The following CLSPN variants were observed in gnomAD, a reference collection of about 807,000 sequenced individuals.
The protein encoded by CLSPN is claspin, also known as claspin homolog.
CLSPN carries 85 observed loss-of-function variants against 156.3 expected under a neutral mutation model. The observed-to-expected ratio is 0.54, with a 90% CI of 0.46 to 0.65. The LOEUF is 0.65. Ranked by LOEUF, CLSPN falls within the 30% of genes least tolerant of loss-of-function variation. The pLI is 0.00. For missense variants in CLSPN, 1,407 were observed against 1,554.9 expected (o/e 0.90, Z 1.60); for synonymous variants, 534 against 542.4 (o/e 0.98, Z 0.22).
rs1458588665 is a variant in CLSPN, at chr1:35,739,404, G to C, written c.3269C>G (p.Ser1090Cys). 1.2e-6 allele frequency: 2 copies of C among 1,614,078 alleles called. No individual in the cohort carries two copies. The highest frequency in any genetic ancestry group is 1.7e-6 in the Non-Finnish European group (2 of 1,180,016). The change falls in exon 19 of 25, where the codon TCT becomes TGT. Residue 1090 changes from serine (S) to cysteine (C), a missense_variant. By Grantham distance (112) the Ser-to-Cys change is moderately radical (BLOSUM62 -1). Coordinates refer to ENST00000318121, the MANE Select transcript of CLSPN (RefSeq NM_022111.4). Reference sequence around the variant, plus strand: ...GATTTGACTCTGCAGTTCCTCATCAGAAGGAAGTACTTCATCAATTACGTC... The same window carrying C: ...GATTTGACTCTGCAGTTCCTCATCACAAGGAAGTACTTCATCAATTACGTC... The part of the protein sequence containing the change: ...EEDVIDEVLP[S>C]DEELQSQIKK...
downstream of CLSPN, among the ~76,000 whole-genome samples, chr1:35,729,988 C>T (rs949665801): frequency 2.0e-5 from 3 of 152,168 alleles, no homozygotes; most frequent in African/African-American, 7.2e-5. Flanking sequence ...AAGCTCTACA[C>T]CTCTATTCTG....
intron 18 of CLSPN, among the ~76,000 whole-genome samples, chr1:35,741,342 T>C (rs983062155): frequency 9.2e-5 from 14 of 151,962 alleles, no homozygotes; most frequent in East Asian, 1.9e-4. Flanking sequence ...TCGGGGAGAA[T>C]GGAGTTTCTC....
chr1:35,763,529 C>CT (rs1483474778), intron 3 of CLSPN, among the ~76,000 whole-genome samples: 6 of 150,602 alleles, frequency 4.0e-5, no homozygotes, highest in Non-Finnish European at 7.4e-5. Flanking sequence ...CTAAAACTAA[C>CT]TTAATAAACA....
In CLSPN at chr1:35,736,936, G is replaced by A; in HGVS notation, c.3887C>T (p.Ala1296Val). ...TACCTGAGACTTAGACGATTCCTTT[G>A]CCGCCTCAGCCTTGACAGGAGAAAG... ...HTLSPVKAEA[A>V]KESSKSQVKK... The change falls in exon 24 of 25, where the codon GCA becomes GTA. Residue 1296 changes from alanine (A) to valine (V), a missense_variant. By Grantham distance (64) the Ala-to-Val change is moderately conservative (BLOSUM62 0). Coordinates refer to ENST00000318121, the MANE Select transcript of CLSPN (RefSeq NM_022111.4). The A allele has an allele frequency of 1.9e-6, 3 of 1,614,082 alleles. No homozygotes were observed. Among genetic ancestry groups the A allele is most frequent in the Non-Finnish European group, 2.5e-6 (3 of 1,179,982 alleles).
At chr1:35,729,051 C>T (rs996938778), downstream of CLSPN, among the ~76,000 whole-genome samples, 1 of 151,686 alleles carries the variant, frequency 6.6e-6, no homozygotes, top group Non-Finnish European at 1.5e-5. Flanking sequence ...TTGCCTAGGT[C>T]CATCTGGTTT....
chr1:35,730,021 G>A (rs1194845919), downstream of CLSPN, among the ~76,000 whole-genome samples: 1 of 152,182 alleles, frequency 6.6e-6, no homozygotes, highest in African/African-American at 2.4e-5. Context: ...AAGCTCCTCT[G>A]TATATAATTC....
At chr1:35,731,273 G>T (rs75044757), downstream of CLSPN, among the ~76,000 whole-genome samples, 2,177 of 152,006 alleles carry the variant, frequency 0.014, 42 homozygotes, top group African/African-American at 0.049. Context: ...GAGGAAATTA[G>T]GCTTAAGCTA....
Position 35,734,164 on chromosome 1 carries a change from G to A in CLSPN, c.*2332C>T. On this transcript the variant is annotated 3_prime_UTR_variant, in exon 25 of 25. Coordinates refer to ENST00000318121, the MANE Select transcript of CLSPN (RefSeq NM_022111.4). The stretch of plus-strand genomic sequence containing the variant: ...CAGTTTAGACCCAGAGGGTTTCCCT[G>A]GGATGGAGATAACCTGAAAATGAAA... The A allele has an allele frequency of 2.0e-6, 2 of 985,382 alleles. No homozygotes were observed. Among genetic ancestry groups the A allele is most frequent in the East Asian group, 1.1e-4 (1 of 8,812 alleles). The allele number at this position is 985,382 out of a possible 1,614,324, so 61.0% of individuals were successfully genotyped here.
chr1:35,753,786 A>G lies in CLSPN; in HGVS notation c.1730T>C (p.Leu577Ser), dbSNP rs1356420597. ...TGCTCCATCCAACTTCTTAGGTGCT[A>G]AAGTCACAGGTACCACATCTGCTTT... ...ELKADVVPVTLAPKKLDGASH... is the reference protein window; with the variant it reads ...ELKADVVPVTSAPKKLDGASH... Residue 577 changes from leucine (L) to serine (S), a missense_variant, in exon 9 of 25, where the codon TTA (leucine) becomes TCA (serine). By Grantham distance (145) the Leu-to-Ser change is moderately radical. Transcript: ENST00000318121. 6 of 1,614,132 alleles carry G rather than the reference A, an allele frequency of 3.7e-6. No homozygotes were observed. Among genetic ancestry groups the G allele is most frequent in the Non-Finnish European group, 3.4e-6 (4 of 1,180,052 alleles).
At chr1:35,743,568 G>A (rs1277451558) in intron 16 of CLSPN, 38 bp from the exon 17 acceptor site, 1 of 1,525,066 alleles carries the variant, frequency 6.6e-7, no homozygotes, top group African/African-American at 1.4e-5. Context: ...ATAAGTTGTT[G>A]AAAGCAAACT....
Position 35,746,810 on chromosome 1 carries a change from A to T in CLSPN, c.2810T>A (p.Met937Lys). The T allele has an allele frequency of 6.2e-7, 1 of 1,613,984 alleles. No individual in the cohort carries two copies. Among genetic ancestry groups the T allele is most frequent in the Non-Finnish European group, 8.5e-7 (1 of 1,179,900 alleles). ...TGAACAAAGGTTCAGAAGTTCCTCC[A>T]TGTTCTCTTTCTTGTCACTCTTCCT... ...LPRKSDKKEN[M>K]EELLNLCSGK... Residue 937 changes from methionine (M) to lysine (K), a missense_variant, in exon 15 of 25, where the codon ATG becomes AAG. Coordinates refer to ENST00000318121, the MANE Select transcript of CLSPN (RefSeq NM_022111.4). The surrounding 1 kb of genome is among the most constrained non-coding windows in gnomAD (Gnocchi z 4.2).
intron 3 of CLSPN, among the ~76,000 whole-genome samples, chr1:35,763,797 GTT>G (rs33972058): frequency 3.6e-5 from 5 of 139,044 alleles, no homozygotes; most frequent in Admixed American, 7.2e-5. Context: ...TTTGGTTTTT[GTT>G]TTTTTTTTTT....
chr1:35,734,401 C>A lies in CLSPN; in HGVS notation c.*2095G>T. 1.0e-6 allele frequency: 1 copy of A among 984,956 alleles called. No individual in the cohort carries two copies. Among genetic ancestry groups the A allele is most frequent in the African/African-American group, 1.7e-5 (1 of 57,294 alleles). 61.0% of individuals were successfully genotyped at this position (984,956 alleles called of 1,614,324 possible). On this transcript the variant is annotated 3_prime_UTR_variant, in exon 25 of 25. Coordinates refer to ENST00000318121, the MANE Select transcript of CLSPN (RefSeq NM_022111.4). ...TATTAGAAAACTGTAGAAAACCGGC[C>A]GGGTGCGGTGGCTCATGCCTATAAT...
rs1266161561 is a variant in CLSPN at position 35,733,043 on chromosome 1, C to T, written c.*3453G>A. On this transcript the variant is annotated 3_prime_UTR_variant, in exon 25 of 25. Coordinates refer to ENST00000318121, the MANE Select transcript of CLSPN (RefSeq NM_022111.4). The stretch of plus-strand genomic sequence containing the variant: ...GCAGTGGCGTGATCTCGGCTCACTG[C>T]AACCTCTGCCTCCCAGGTTCAAGCA... The T allele has an allele frequency of 1.1e-5, 8 of 695,738 alleles. No individual in the cohort carries two copies. Among genetic ancestry groups the T allele is most frequent in the Non-Finnish European group, 1.4e-5 (8 of 566,098 alleles). 43.1% of individuals were successfully genotyped at this position (695,738 alleles called of 1,614,324 possible).
chr1:35,749,398 T>C (rs1024714718), intron 12 of CLSPN, 69 bp downstream of exon 12: 1 of 1,419,400 alleles, frequency 7.0e-7, no homozygotes, highest in African/African-American at 1.4e-5. Flanking sequence ...CTTACCGTAC[T>C]GCAGTCCTTA....
In CLSPN at chr1:35,734,079, T is replaced by C. The variant is rs1330367344; in HGVS notation, c.*2417A>G. ...AGCTGAACCCAAACCACTTGGTAAG[T>C]TAACTTGATCAATTCACTAGGACTG... On this transcript the variant is annotated 3_prime_UTR_variant, in exon 25 of 25. Transcript: ENST00000318121. The C allele has an allele frequency of 1.0e-6, 1 of 985,270 alleles. No homozygotes were observed. The highest frequency in any genetic ancestry group is 1.2e-6 in the Non-Finnish European group (1 of 829,908). 61.0% of individuals were successfully genotyped at this position (985,270 alleles called of 1,614,324 possible).
intron 1 of CLSPN, among the ~76,000 whole-genome samples, chr1:35,768,980 A>G (rs1571228197): frequency 6.6e-6 from 1 of 152,294 alleles, no homozygotes; most frequent in South Asian, 2.1e-4. Flanking sequence ...GGTAAATAAT[A>G]TGCCCGCTTT....
chr1:35,740,076 T>A (rs1337563323), intron 18 of CLSPN, among the ~76,000 whole-genome samples: 12 of 152,244 alleles, frequency 7.9e-5, no homozygotes, highest in Admixed American at 7.9e-4. Flanking sequence ...TAATCTCTTT[T>A]ACATGTATTA....
intron 1 of CLSPN, among the ~76,000 whole-genome samples, chr1:35,766,879 C>A (rs975265538): frequency 2.0e-5 from 3 of 151,970 alleles, no homozygotes; most frequent in Non-Finnish European, 4.4e-5. Context: ...CTCAGCCTCC[C>A]GAGTAGCTGG....
Sources: allele counts gnomAD v4.1 joint callset (sites outside exome capture counted in the v4.1 genomes callset), GRCh38; gene constraint gnomAD v4.1.1; non-coding constraint Gnocchi (gnomAD v3.1); transcripts MANE v1.5; gene names NCBI Gene and HGNC (gene_info 2026-07-23, HGNC 2026-07-21).